Variants in SEC14L1 observed in about 807,000 individuals in gnomAD.
SEC14L1 encodes SEC14-like protein 1.
A neutral mutation model predicts 85.3 loss-of-function variants in SEC14L1; 48 were observed. That is an observed-to-expected ratio of 0.56 (90% CI 0.45 to 0.72). The LOEUF is 0.72. Ranked by LOEUF, SEC14L1 falls within the 30% of genes least tolerant of loss-of-function variation. The pLI, the probability that SEC14L1 is intolerant of heterozygous loss-of-function variation, is 0.00. For synonymous variants in SEC14L1, 391 were observed against 355.5 expected, an observed-to-expected ratio of 1.10 and a Z score of -1.12; for missense variants, 682 against 921.4, an observed-to-expected ratio of 0.74 and a Z score of 3.36.
chr17:77,152,835 A>G (rs949615570), intron 3 of SEC14L1, among the ~76,000 whole-genome samples: 1 of 152,138 alleles, frequency 6.6e-6, no homozygotes, highest in East Asian at 1.9e-4. Flanking sequence ...AAATAAAGCC[A>G]TTTGTATTTG....
chr17:77,115,292 G>C (rs1303575896), intron 3 of SEC14L1, among the ~76,000 whole-genome samples: 2 of 152,118 alleles, frequency 1.3e-5, no homozygotes, highest in Non-Finnish European at 2.9e-5. Flanking sequence ...AGCTGGGCGT[G>C]GTGGTGTGCG....
rs1304589269 is a variant in SEC14L1 at position 77,214,515 on chromosome 17, T to C, written c.*492T>C. 1.4e-5 allele frequency: 14 copies of C among 998,642 alleles called. No homozygotes were observed. Among genetic ancestry groups the C allele is most frequent in the Non-Finnish European group, 1.6e-5 (13 of 837,284 alleles). The allele number at this position is 998,642 out of a possible 1,614,324, so 61.9% of individuals were successfully genotyped here. ...CCATGCTTCCCGCCAGTCAAGATGG[T>C]CTGTGGACTTAGGGCCAGCCCTTGA... On this transcript the variant is annotated 3_prime_UTR_variant, in exon 17 of 17. Coordinates refer to ENST00000436233, the MANE Select transcript of SEC14L1 (RefSeq NM_001143998.2).
chr17:77,134,134 G>C (rs1361341280), intron 3 of SEC14L1, among the ~76,000 whole-genome samples: 1 of 151,966 alleles, frequency 6.6e-6, no homozygotes, highest in Non-Finnish European at 1.5e-5. Flanking sequence ...TTTGTTACCT[G>C]ATGTCACTTA....
At chr17:77,192,381 G>C (rs1044514884) in intron 5 of SEC14L1, among the ~76,000 whole-genome samples, 1 of 152,084 alleles carries the variant, frequency 6.6e-6, no homozygotes, top group South Asian at 2.1e-4. Context: ...ACTTCTATGG[G>C]CTCAAAACCC....
intron 3 of SEC14L1, among the ~76,000 whole-genome samples, chr17:77,187,770 A>T (rs1269768328): frequency 3.1e-5 from 4 of 130,572 alleles, no homozygotes; most frequent in Non-Finnish European, 4.8e-5. Context: ...ACAGGGTCTT[A>T]CTCTTACTCT....
At position 77,214,498 on chromosome 17, in the gene SEC14L1, C is replaced by T; in HGVS notation, c.*475C>T. On this transcript the variant is annotated 3_prime_UTR_variant, in exon 17 of 17. Coordinates refer to ENST00000436233, the MANE Select transcript of SEC14L1 (RefSeq NM_001143998.2). The stretch of plus-strand genomic sequence containing the variant: ...ACGCCGCCTCACGGCCCCCATGCTT[C>T]CCGCCAGTCAAGATGGTCTGTGGAC... The T allele has an allele frequency of 1.0e-6, 1 of 1,001,072 alleles. No individual in the cohort carries two copies. The highest frequency in any genetic ancestry group is 4.2e-5 in the South Asian group (1 of 23,660). 62.0% of individuals were successfully genotyped at this position (1,001,072 alleles called of 1,614,324 possible).
At chr17:77,113,454 C>T (rs1038957761) in intron 3 of SEC14L1, among the ~76,000 whole-genome samples, 13 of 151,790 alleles carry the variant, frequency 8.6e-5, no homozygotes, top group African/African-American at 2.4e-4. Flanking sequence ...TGATAAAGAA[C>T]GAGTTAAGGC....
chr17:77,129,572 G>A (rs1350627321), intron 3 of SEC14L1, among the ~76,000 whole-genome samples: 1 of 152,162 alleles, frequency 6.6e-6, no homozygotes, highest in Admixed American at 6.5e-5. Context: ...TGAAACAGGA[G>A]ATTTGGGGGT....
rs763304442 is a variant in SEC14L1, at chr17:77,190,924, A to T, written c.185A>T (p.Asp62Val). The T allele has an allele frequency of 1.9e-6, 3 of 1,614,088 alleles. No individual in the cohort carries two copies. Among genetic ancestry groups the T allele is most frequent in the Non-Finnish European group, 2.5e-6 (3 of 1,180,042 alleles). The change falls in exon 4 of 17, where the codon GAT (aspartate) becomes GTT (valine). Residue 62 changes from aspartate (D) to valine (V), a missense_variant. By Grantham distance (152) the Asp-to-Val change is radical. Transcript: ENST00000436233. ...GTCATTGAAAGGCGCTGCAAGCTGG[A>T]TGTAGATGCACCCAGACTGCTGAAG... ...IHVIERRCKL[D>V]VDAPRLLKKI...
intron 3 of SEC14L1, among the ~76,000 whole-genome samples, chr17:77,173,910 T>C (rs1239270653): frequency 1.3e-5 from 2 of 151,874 alleles, no homozygotes; most frequent in Non-Finnish European, 2.9e-5. Flanking sequence ...TTTTTCTTTT[T>C]TTTTTTTTAA....
chr17:77,101,523 T>C (rs1286096814), intron 3 of SEC14L1, among the ~76,000 whole-genome samples: 3 of 152,148 alleles, frequency 2.0e-5, no homozygotes, highest in Non-Finnish European at 4.4e-5. Context: ...TAAATCCCTG[T>C]CTTGGTTCAG....
intron 3 of SEC14L1, among the ~76,000 whole-genome samples, chr17:77,181,932 A>G (rs142173266): frequency 0.038 from 5,844 of 152,102 alleles, 128 homozygotes; most frequent in Non-Finnish European, 0.055. Flanking sequence ...GCAGCCTACA[A>G]AGTTGGACAC....
In SEC14L1 at chr17:77,100,852, G is replaced by A. The variant is rs118026075; in HGVS notation, c.-136+7505G>A. ...ATCCATTCCAATTTTTTTCTTAGAT[G>A]AGTGAGAGAAGACTTTTCATACAAT... On this transcript the variant is annotated intron_variant, in intron 3 of 19. Transcript: ENST00000392476. Among the ~76,000 whole-genome samples the A allele has an allele frequency of 8.2e-3, 1,252 of 152,234 alleles. 11 individuals carry two copies. Among genetic ancestry groups the A allele is most frequent in the Non-Finnish European group, 0.013 (866 of 68,028 alleles).
At chr17:77,137,431 T>A (rs900847401), upstream of SEC14L1, among the ~76,000 whole-genome samples, 2 of 152,130 alleles carry the variant, frequency 1.3e-5, no homozygotes, top group Non-Finnish European at 2.9e-5. Context: ...CATTTTTAAG[T>A]GAGAAGATCT....
intron 13 of SEC14L1, among the ~76,000 whole-genome samples, chr17:77,208,980 G>A (rs1976603335): frequency 6.7e-6 from 1 of 150,116 alleles, no homozygotes; most frequent in Non-Finnish European, 1.5e-5. Flanking sequence ...TGTGGCTATT[G>A]AGAGCAAAAC....
At chr17:77,164,051 A>G (rs1161022834) in intron 3 of SEC14L1, among the ~76,000 whole-genome samples, 2 of 152,208 alleles carry the variant, frequency 1.3e-5, no homozygotes, top group Non-Finnish European at 2.9e-5. Context: ...GTGTGGCAAT[A>G]TCTTGTTTAT....
intron 3 of SEC14L1, among the ~76,000 whole-genome samples, chr17:77,126,972 TC>T (rs1191426178): frequency 2.0e-5 from 3 of 151,376 alleles, no homozygotes; most frequent in Non-Finnish European, 2.9e-5. Flanking sequence ...TTTCTCTCTC[TC>T]TTTTTTTTAA....
intron 3 of SEC14L1, among the ~76,000 whole-genome samples, chr17:77,175,231 A>G (rs1974697958): frequency 6.6e-6 from 1 of 152,214 alleles, no homozygotes; most frequent in Admixed American, 6.5e-5. Context: ...TGCAGGATTC[A>G]GGAGGACGAG....
In SEC14L1 at chr17:77,160,569, G is replaced by A. The variant is rs1187417998; in HGVS notation, c.63+16910G>A. On this transcript the variant is annotated intron_variant, in intron 3 of 16. Transcript: ENST00000436233. ...ACATTCTTGTTTGCCTAGGGCTTAAGTGATTGTGGCATGCAAAGTATTTGA... is the reference window on the plus strand; with the variant it reads ...ACATTCTTGTTTGCCTAGGGCTTAAATGATTGTGGCATGCAAAGTATTTGA... Among the ~76,000 whole-genome samples, 3 of 152,234 alleles carry A rather than the reference G, an allele frequency of 2.0e-5. No homozygotes were observed. The South Asian group carries it at 6.2e-4, about 31-fold the overall frequency.
Sources: gnomAD v4.1 joint callset for allele counts (sites outside exome capture counted in the v4.1 genomes callset) on GRCh38, gnomAD v4.1.1 for gene constraint, MANE v1.5 for transcripts, NCBI Gene and HGNC (gene_info 2026-07-23, HGNC 2026-07-21) for gene names.